Variants in CDH4 observed in about 807,000 individuals in gnomAD.
CDH4 encodes cadherin-4.
CDH4 carries 33 observed loss-of-function variants against 86.0 expected under a neutral mutation model. The ratio of observed to expected loss-of-function variants is 0.38; its 90% CI spans 0.29 to 0.51. The LOEUF (loss-of-function observed/expected upper bound fraction) is 0.51, where lower values mean the gene tolerates loss of function less well. CDH4 is among the 20% of genes least tolerant of loss of function. The pLI, the probability that CDH4 is intolerant of heterozygous loss-of-function variation, is 0.86. For missense variants in CDH4, 1,114 were observed against 1,307.4 expected, an observed-to-expected ratio of 0.85 and a Z score of 2.28; for synonymous variants, 555 against 549.4, an observed-to-expected ratio of 1.01 and a Z score of -0.14.
intron 2 of CDH4, among the ~76,000 whole-genome samples, chr20:61,462,582 G>T (rs2085449901): frequency 1.4e-5 from 1 of 73,558 alleles, no homozygotes; most frequent in Non-Finnish European, 3.0e-5. Context: ...CTTGTGCATT[G>T]CTCCTGAGCC....
In CDH4 at chr20:61,734,121, C is replaced by T. The variant is rs895517907; in HGVS notation, c.170-9442C>T. Reference sequence around the variant, plus strand: ...AGCTGCCGGCTCCTCTGTGGGTGCGCGATGCCGAGTCTCCACAGAGGCTTT... The same window carrying T: ...AGCTGCCGGCTCCTCTGTGGGTGCGTGATGCCGAGTCTCCACAGAGGCTTT... On this transcript the variant is annotated intron_variant, in intron 2 of 15. Transcript: ENST00000614565. Among the ~76,000 whole-genome samples, 6 of 152,148 alleles carry T rather than the reference C, an allele frequency of 3.9e-5. No homozygotes were observed. The East Asian group carries it at 1.2e-3, about 29-fold the overall frequency.
chr20:61,458,931 C>A (rs924650276), intron 2 of CDH4, among the ~76,000 whole-genome samples: 1 of 151,682 alleles, frequency 6.6e-6, no homozygotes, highest in Non-Finnish European at 1.5e-5. Context: ...GTTCTTCCTA[C>A]ATCTGAGCTT....
chr20:61,616,730 A>C (rs2145767331), intron 2 of CDH4, among the ~76,000 whole-genome samples: 1 of 152,206 alleles, frequency 6.6e-6, no homozygotes, highest in South Asian at 2.1e-4. Context: ...GGACCCCAAA[A>C]ATGGTCATAG....
intron 4 of CDH4, among the ~76,000 whole-genome samples, chr20:61,820,889 T>C (rs1001833944): frequency 6.6e-6 from 1 of 152,062 alleles, no homozygotes; most frequent in Non-Finnish European, 1.5e-5. Context: ...CCTGGGGAAA[T>C]ATGACATGCA....
chr20:61,760,222 C>T (rs1038107656), intron 3 of CDH4, among the ~76,000 whole-genome samples: 1 of 152,122 alleles, frequency 6.6e-6, no homozygotes, highest in African/African-American at 2.4e-5. Flanking sequence ...GTGGTGGTTA[C>T]GTGGTTTGTG....
intron 2 of CDH4, among the ~76,000 whole-genome samples, chr20:61,724,201 G>A (rs953548792): frequency 2.6e-5 from 4 of 152,124 alleles, no homozygotes; most frequent in Admixed American, 2.6e-4. Flanking sequence ...TCCCCATACA[G>A]GGGGCAGGCA....
intron 2 of CDH4, among the ~76,000 whole-genome samples, chr20:61,572,927 G>A (rs1156453497): frequency 6.6e-6 from 1 of 151,856 alleles, no homozygotes; most frequent in Non-Finnish European, 1.5e-5. Context: ...TGAATGGATG[G>A]ATGGGTAGAC....
chr20:61,795,690 G>C (rs1048584410), intron 4 of CDH4, among the ~76,000 whole-genome samples: 23 of 152,342 alleles, frequency 1.5e-4, no homozygotes, highest in African/African-American at 5.5e-4. Context: ...TGCCTGTCTG[G>C]AACATACCAG....
chr20:61,916,144 G>A (rs770297713), intron 9 of CDH4, among the ~76,000 whole-genome samples: 6 of 146,874 alleles, frequency 4.1e-5, no homozygotes, highest in East Asian at 4.3e-4. Context: ...TAGAGACGTC[G>A]TCTTTTCAGG....
intron 2 of CDH4, among the ~76,000 whole-genome samples, chr20:61,733,827 T>C (rs1466196734): frequency 6.6e-6 from 1 of 152,208 alleles, no homozygotes; most frequent in African/African-American, 2.4e-5. Context: ...AGCTCACCTC[T>C]GGCTCATTTG....
intron 7 of CDH4, among the ~76,000 whole-genome samples, chr20:61,877,389 CA>C (rs1984077827): frequency 7.4e-6 from 1 of 135,560 alleles, no homozygotes; most frequent in African/African-American, 2.7e-5. Flanking sequence ...CCGCTGTCGG[CA>C]GCTTCAGCGT....
intron 2 of CDH4, among the ~76,000 whole-genome samples, chr20:61,484,006 G>A (rs2085582382): frequency 6.6e-6 from 1 of 152,018 alleles, no homozygotes; most frequent in South Asian, 2.1e-4. Flanking sequence ...CTTTGGCCTT[G>A]TGCTCACTCC....
At chr20:61,388,390 A>T (rs979009694) in intron 2 of CDH4, among the ~76,000 whole-genome samples, 4 of 151,972 alleles carry the variant, frequency 2.6e-5, no homozygotes, top group Non-Finnish European at 5.9e-5. Context: ...TTCTGCCCCT[A>T]CAGCCCCTAC....
At chr20:61,693,673 G>A (rs373493595) in intron 2 of CDH4, among the ~76,000 whole-genome samples, 5 of 152,160 alleles carry the variant, frequency 3.3e-5, no homozygotes, top group African/African-American at 9.7e-5. Context: ...GAGCTACAGC[G>A]TTAGAGGGCA....
intron 2 of CDH4, among the ~76,000 whole-genome samples, chr20:61,680,514 A>G (rs1482710625): frequency 1.3e-5 from 2 of 152,172 alleles, no homozygotes; most frequent in South Asian, 2.1e-4. Context: ...GGGACAATGC[A>G]TGATGGGCAG....
intron 2 of CDH4, chr20:61,719,890 G>T (rs548000670): frequency 4.6e-4 from 70 of 152,314 alleles, no homozygotes; most frequent in African/African-American, 1.7e-3. Context: ...GGCGCGGCTG[G>T]TGGGGAAGCA....
Position 61,600,868 on chromosome 20 carries a change from C to T in CDH4, c.170-142695C>T, listed in dbSNP as rs556078985. ...TTCGGTCCTCAGTTGGTTGAATCTG[C>T]GGGTGCAGAACCCGCGGGTGTGGAA... On this transcript the variant is annotated intron_variant, in intron 2 of 15. Transcript: ENST00000614565. Among the ~76,000 whole-genome samples the T allele has an allele frequency of 6.6e-5, 10 of 152,290 alleles. No individual in the cohort carries two copies. The East Asian group carries it at 7.7e-4, about 12-fold the overall frequency.
chr20:61,461,099 T>G (rs987497546), intron 2 of CDH4, among the ~76,000 whole-genome samples: 3 of 152,132 alleles, frequency 2.0e-5, no homozygotes, highest in African/African-American at 7.2e-5. Flanking sequence ...CTGATCTAAA[T>G]TTGAACCTCT....
chr20:61,413,771 C>T (rs1016662657), intron 2 of CDH4, among the ~76,000 whole-genome samples: 2 of 152,206 alleles, frequency 1.3e-5, no homozygotes, highest in Non-Finnish European at 2.9e-5. Flanking sequence ...TCTTGGTGGC[C>T]ACAGATCTTC....
Sources: allele counts gnomAD v4.1 joint callset (sites outside exome capture counted in the v4.1 genomes callset), GRCh38; gene constraint gnomAD v4.1.1; transcripts MANE v1.5; gene names NCBI Gene and HGNC (gene_info 2026-07-23, HGNC 2026-07-21).